Variants in GPC3 observed in about 807,000 individuals in gnomAD.
The protein encoded by GPC3 is glypican 3.
In GPC3, 3 loss-of-function variants were observed where a neutral mutation model predicts 34.4. The observed-to-expected ratio is 0.09, with a 90% CI of 0.04 to 0.23. The LOEUF is 0.23. Among genes scored for constraint, GPC3 ranks in the 10% least tolerant of loss-of-function variants. GPC3 has a pLI of 1.00. For synonymous variants in GPC3, 177 were observed against 174.0 expected, an observed-to-expected ratio of 1.02 and a Z score of -0.13; for missense variants, 351 against 445.6, an observed-to-expected ratio of 0.79 and a Z score of 1.91.
intron 2 of GPC3, among the ~76,000 whole-genome samples, chrX:133,761,422 T>G (rs1429147696): frequency 4.5e-5 from 5 of 112,336 alleles, no homozygotes; most frequent in Non-Finnish European, 9.4e-5. Context: ...ATATAAGCAA[T>G]TTATTTGTGC....
chrX:133,979,265 T>C (rs1450412431), intron 1 of GPC3, among the ~76,000 whole-genome samples: 1 of 112,118 alleles, frequency 8.9e-6, no homozygotes, highest in Non-Finnish European at 1.9e-5. Context: ...CTAGAAGTAA[T>C]TAACTGTTCG....
intron 4 of GPC3, among the ~76,000 whole-genome samples, chrX:133,696,564 C>A (rs2071120020): frequency 8.9e-6 from 1 of 112,412 alleles, no homozygotes; most frequent in African/African-American, 3.2e-5. Flanking sequence ...AACTAAGTGA[C>A]ATGTTAATTA....
chrX:133,588,144 G>T (rs894826202), intron 7 of GPC3, among the ~76,000 whole-genome samples: 2 of 111,126 alleles, frequency 1.8e-5, no homozygotes, highest in African/African-American at 6.6e-5. Context: ...GAGTTCCAGG[G>T]GTGGCTTACT....
At chrX:133,687,778 T>C (rs1315044012) in intron 5 of GPC3, among the ~76,000 whole-genome samples, 1 of 111,132 alleles carries the variant, frequency 9.0e-6, no homozygotes, top group East Asian at 2.8e-4. Context: ...TCTCACAAAC[T>C]AGGGGTTTTT....
chrX:133,572,002 TC>T (rs1353222429), intron 7 of GPC3, among the ~76,000 whole-genome samples: 2 of 111,957 alleles, frequency 1.8e-5, no homozygotes, highest in African/African-American at 6.5e-5. Context: ...TTCATATTAA[TC>T]CTGTAGATAA....
intron 2 of GPC3, among the ~76,000 whole-genome samples, chrX:133,886,028 T>C (rs988706388): frequency 8.9e-6 from 1 of 111,817 alleles, no homozygotes; most frequent in Non-Finnish European, 1.9e-5. Context: ...CCAAATTTTA[T>C]TGAGCTCTTA....
chrX:133,594,583 G>A (rs1020112586), intron 7 of GPC3, among the ~76,000 whole-genome samples: 1 of 111,591 alleles, frequency 9.0e-6, no homozygotes, highest in Non-Finnish European at 1.9e-5. Context: ...GATGAACCTT[G>A]AGAAAATTAT....
Position 133,794,229 on chromosome X carries a change from T to C in GPC3, c.338-40053A>G, listed in dbSNP as rs750665969. On this transcript the variant is annotated intron_variant, in intron 2 of 7. Coordinates refer to ENST00000370818, the MANE Select transcript of GPC3 (RefSeq NM_004484.4). ...GGACACCAGTAAGCAATGCTTGGTGTCTGTTCCATTTTTAACTTATCATGT... is the reference window on the plus strand; with the variant it reads ...GGACACCAGTAAGCAATGCTTGGTGCCTGTTCCATTTTTAACTTATCATGT... Among the ~76,000 whole-genome samples the C allele has an allele frequency of 8.0e-5, 9 of 112,008 alleles. No homozygotes were observed. In the East Asian group the frequency reaches 2.5e-3, roughly 31 times the overall value.
intron 6 of GPC3, among the ~76,000 whole-genome samples, 146 bp downstream of exon 6, chrX:133,661,573 TCTCTCTCTCTC>T (rs2070719245): frequency 5.8e-4 from 3 of 5,152 alleles, no homozygotes; most frequent in Admixed American, 1.3e-3. Context: ...TCTCTTTCTC[TCTCTCTCTCTC>T]TCTCTCTCTC....
intron 6 of GPC3, among the ~76,000 whole-genome samples, chrX:133,652,000 A>G (rs1483914505): frequency 2.7e-5 from 3 of 112,187 alleles, no homozygotes; most frequent in Admixed American, 1.9e-4. Context: ...GTAAGTCCAC[A>G]GTGGCTACTT....
In GPC3 at chrX:133,955,088, T is replaced by A. The variant is rs749389420; in HGVS notation, c.176-1877A>T. Among the ~76,000 whole-genome samples, 25 of 111,273 alleles carry A rather than the reference T, an allele frequency of 2.2e-4. No homozygotes were observed. In the Admixed American group the frequency reaches 2.3e-3, roughly 10 times the overall value. On this transcript the variant is annotated intron_variant, in intron 1 of 7. Coordinates refer to ENST00000370818, the MANE Select transcript of GPC3 (RefSeq NM_004484.4). ...TTTGTTGATCTCCTTCTGTGGTGGCTGTGAATATGGGCATCTCAGATCTTC... is the reference window on the plus strand; with the variant it reads ...TTTGTTGATCTCCTTCTGTGGTGGCAGTGAATATGGGCATCTCAGATCTTC...
chrX:133,882,101 T>C (rs943059586), intron 2 of GPC3, among the ~76,000 whole-genome samples: 9 of 112,145 alleles, frequency 8.0e-5, no homozygotes, highest in African/African-American at 2.9e-4. Flanking sequence ...CTTAAAGCAC[T>C]CTGGGCTCCT....
At chrX:133,816,621 T>C (rs139855467) in intron 2 of GPC3, among the ~76,000 whole-genome samples, 1,584 of 111,712 alleles carry the variant, frequency 0.014, 27 homozygotes, top group African/African-American at 0.048. Context: ...GGGCCAAGAA[T>C]ACTCTAGATT....
intron 2 of GPC3, among the ~76,000 whole-genome samples, chrX:133,766,077 G>T (rs2071841388): frequency 9.0e-6 from 1 of 111,518 alleles, no homozygotes. Context: ...AAAGGCTTGG[G>T]CTATTGCTTC....
At chrX:133,860,073 T>C (rs1182419177) in intron 2 of GPC3, among the ~76,000 whole-genome samples, 1 of 111,402 alleles carries the variant, frequency 9.0e-6, no homozygotes, top group Non-Finnish European at 1.9e-5. Context: ...TGAGGGATCC[T>C]TCCCCATGGC....
intron 2 of GPC3, among the ~76,000 whole-genome samples, chrX:133,900,908 A>C (rs1422504999): frequency 8.9e-6 from 1 of 111,740 alleles, no homozygotes; most frequent in African/African-American, 3.3e-5. Context: ...CACAGAGTAG[A>C]ATTTATTTTT....
chrX:133,962,787 G>A (rs1267554780), intron 1 of GPC3, among the ~76,000 whole-genome samples: 2 of 111,667 alleles, frequency 1.8e-5, no homozygotes, highest in African/African-American at 6.5e-5. Context: ...GCAGACCTGA[G>A]GCAGAGCTGA....
intron 2 of GPC3, among the ~76,000 whole-genome samples, chrX:133,913,062 A>G (rs2076208287): frequency 9.1e-6 from 1 of 110,138 alleles, no homozygotes. Flanking sequence ...TCAAAAAAAA[A>G]AAAAAAAAAA....
chrX:133,537,256 A>G (rs1239402124), intron 7 of GPC3, among the ~76,000 whole-genome samples: 1 of 111,977 alleles, frequency 8.9e-6, no homozygotes, highest in East Asian at 2.8e-4. Flanking sequence ...TCCGTTGCCA[A>G]TGTTGCTATT....
Sources: gnomAD v4.1 joint callset for allele counts (sites outside exome capture counted in the v4.1 genomes callset) on GRCh38, gnomAD v4.1.1 for gene constraint, MANE v1.5 for transcripts, NCBI Gene and HGNC (gene_info 2026-07-23, HGNC 2026-07-21) for gene names.